The following LAMA1 variants were observed in gnomAD, a reference collection of about 807,000 sequenced individuals.
The protein encoded by LAMA1 is laminin subunit alpha-1.
In LAMA1, 219 loss-of-function variants were observed where a neutral mutation model predicts 348.7. The observed-to-expected ratio is 0.63, with a 90% CI of 0.56 to 0.70. The LOEUF (loss-of-function observed/expected upper bound fraction) is 0.70. Among genes scored for constraint, LAMA1 ranks in the 30% least tolerant of loss-of-function variants. The pLI, the probability that LAMA1 is intolerant of heterozygous loss-of-function variation, is 0.00. For synonymous variants in LAMA1, 1,487 were observed against 1,491.0 expected, an observed-to-expected ratio of 1.00 and a Z score of 0.06; for missense variants, 3,744 against 3,888.0, an observed-to-expected ratio of 0.96 and a Z score of 0.99.
chr18:7,062,782 C>T (rs1399418161), intron 3 of LAMA1, among the ~76,000 whole-genome samples: 4 of 152,146 alleles, frequency 2.6e-5, no homozygotes, highest in African/African-American at 9.7e-5. Context: ...CACACTTCCC[C>T]GCTCTTGCCT....
chr18:6,956,985 G>C (rs2057582025), intron 55 of LAMA1: 2 of 553,056 alleles, frequency 3.6e-6, no homozygotes, highest in Admixed American at 5.2e-5. Flanking sequence ...ACCCAGCCTA[G>C]CATATCCCCA....
intron 3 of LAMA1, among the ~76,000 whole-genome samples, chr18:7,055,551 T>C (rs556465055): frequency 7.3e-4 from 111 of 152,164 alleles, no homozygotes; most frequent in African/African-American, 2.7e-3. Context: ...CTGAGTCTTA[T>C]TGCCTGGATT....
In LAMA1 at chr18:6,959,502, T is replaced by A. The variant is rs1015127832; in HGVS notation, c.7627-10A>T. On this transcript the variant is annotated splice_polypyrimidine_tract_variant and intron_variant, in intron 53 of 62. Transcript: ENST00000389658. ...TGACGGAAAAGAAGGGCTGGGGAGG[T>A]TGCATAGAGAATTTCCCAGACAAAA... 1.9e-6 allele frequency: 3 copies of A among 1,613,772 alleles called. No individual in the cohort carries two copies. The East Asian group carries it at 6.7e-5, about 36-fold the overall frequency.
At chr18:6,944,240 T>C (rs2143961394) in intron 61 of LAMA1, among the ~76,000 whole-genome samples, 1 of 152,308 alleles carries the variant, frequency 6.6e-6, no homozygotes, top group African/African-American at 2.4e-5. Flanking sequence ...GGTCTTGAAT[T>C]CCTGACCTCA....
At chr18:7,004,620 G>C (rs2057824070) in intron 29 of LAMA1, among the ~76,000 whole-genome samples, 1 of 152,132 alleles carries the variant, frequency 6.6e-6, no homozygotes, top group Non-Finnish European at 1.5e-5. Flanking sequence ...CCAAAGTGTT[G>C]GTATTACAGG....
chr18:7,024,240 C>G, intron 18 of LAMA1, 140 bp downstream of exon 18: 1 of 665,428 alleles, frequency 1.5e-6, no homozygotes, highest in South Asian at 1.9e-5. Flanking sequence ...ACATGAAATA[C>G]TGATTTTTCT....
At chr18:7,035,768 G>A (rs1235712857) in intron 13 of LAMA1, among the ~76,000 whole-genome samples, 2 of 152,098 alleles carry the variant, frequency 1.3e-5, no homozygotes, top group Non-Finnish European at 2.9e-5. Flanking sequence ...ATGAAGAGAA[G>A]AGTGGCGGGT....
At chr18:7,036,691 G>A (rs1232608252) in intron 12 of LAMA1, among the ~76,000 whole-genome samples, 1 of 152,018 alleles carries the variant, frequency 6.6e-6, no homozygotes, top group Non-Finnish European at 1.5e-5. Context: ...TATCAATAGA[G>A]CACATGTTCT....
chr18:7,023,482 C>T, intron 18 of LAMA1, 107 bp from the exon 19 acceptor site: 3 of 917,740 alleles, frequency 3.3e-6, no homozygotes, highest in Non-Finnish European at 5.3e-6. Context: ...GACTCTGTTC[C>T]CTGAGATTTA....
chr18:7,004,762 G>C (rs753568533), intron 29 of LAMA1, among the ~76,000 whole-genome samples: 12 of 152,182 alleles, frequency 7.9e-5, no homozygotes, highest in Non-Finnish European at 1.6e-4. Context: ...ATAAGCACAG[G>C]GGGAGTGCTT....
At chr18:6,945,871 T>G (rs1281106616) in intron 61 of LAMA1, among the ~76,000 whole-genome samples, 1 of 152,046 alleles carries the variant, frequency 6.6e-6, no homozygotes, top group African/African-American at 2.4e-5. Flanking sequence ...ATGGCTCAGC[T>G]GCTGTCCACT....
At chr18:6,954,191 T>C (rs2057563377) in intron 57 of LAMA1, 1 of 152,236 alleles carries the variant, frequency 6.6e-6, no homozygotes, top group Admixed American at 6.6e-5. Flanking sequence ...GATTGACGGC[T>C]ATGATATCCA....
chr18:6,979,823 C>T (rs1202169457), intron 42 of LAMA1, among the ~76,000 whole-genome samples: 4 of 152,082 alleles, frequency 2.6e-5, no homozygotes, highest in East Asian at 1.9e-4. Flanking sequence ...GGTGTGAACC[C>T]GGGGGGCGGA....
chr18:7,010,499 T>C (rs190043184), intron 25 of LAMA1, 114 bp from the exon 26 acceptor site: 2 of 990,602 alleles, frequency 2.0e-6, no homozygotes, highest in African/African-American at 1.6e-5. Context: ...ATACATCACA[T>C]GGGTGAAATT....
At chr18:6,982,323 T>A (rs994212863) in intron 41 of LAMA1, among the ~76,000 whole-genome samples, 174 bp downstream of exon 41, 2 of 152,194 alleles carry the variant, frequency 1.3e-5, no homozygotes, top group Admixed American at 1.3e-4. Flanking sequence ...GAAGTTTATA[T>A]GATAGGAAGT....
At position 6,978,391 on chromosome 18, in the gene LAMA1, T is replaced by A. The variant is rs763998987; in HGVS notation, c.6008-13A>T. 5 of 1,612,036 alleles carry A rather than the reference T, an allele frequency of 3.1e-6. No individual in the cohort carries two copies. The highest frequency in any genetic ancestry group is 4.2e-6 in the Non-Finnish European group (5 of 1,178,706). ...TTGTCTCTTATACCTAAAATAAATGTATATAAAAGCATGCACTTCTGGTGC... is the reference window on the plus strand; with the variant it reads ...TTGTCTCTTATACCTAAAATAAATGAATATAAAAGCATGCACTTCTGGTGC... On this transcript the variant is annotated splice_polypyrimidine_tract_variant and intron_variant, in intron 42 of 62. Coordinates refer to ENST00000389658, the MANE Select transcript of LAMA1 (RefSeq NM_005559.4).
Position 7,013,906 on chromosome 18 carries a change from T to C in LAMA1, c.3272A>G (p.Asp1091Gly), listed in dbSNP as rs2144121334. Residue 1091 changes from aspartate to glycine, a missense_variant, in exon 23 of 63, where the codon GAC becomes GGC. By Grantham distance (94) the Asp-to-Gly change is moderately conservative. This residue lies in a region of LAMA1 where 1,529 missense variants were observed against 1,689.4 expected (regional missense o/e 0.91). Coordinates refer to ENST00000389658, the MANE Select transcript of LAMA1 (RefSeq NM_005559.4). ...YRDFPDCVPC[D>G]CDLRGTSGDA... ...CCCCGACGTCCCCCTCAGGTCACAGTCACAGGGAACACAGTCGGGAAAGTC... is the reference window on the plus strand; with the variant it reads ...CCCCGACGTCCCCCTCAGGTCACAGCCACAGGGAACACAGTCGGGAAAGTC... 5 of 1,613,654 alleles carry C rather than the reference T, an allele frequency of 3.1e-6. No individual in the cohort carries two copies. The highest frequency in any genetic ancestry group is 4.2e-6 in the Non-Finnish European group (5 of 1,179,726).
chr18:7,059,837 G>A (rs2058095956), intron 3 of LAMA1, among the ~76,000 whole-genome samples: 1 of 152,216 alleles, frequency 6.6e-6, no homozygotes, highest in South Asian at 2.1e-4. Flanking sequence ...AGACAAAAGA[G>A]ATTTAGATGA....
Position 6,978,230 on chromosome 18 carries a change from C to G in LAMA1, c.6156G>C (p.Glu2052Asp). The G allele has an allele frequency of 6.2e-7, 1 of 1,614,226 alleles. No homozygotes were observed. The highest frequency in any genetic ancestry group is 8.5e-7 in the Non-Finnish European group (1 of 1,180,038). ...TGGAGTCCTGCAGAAGCTGGTGTGT[C>G]TCTCGTAATGTGGTGTTGACCCTGG... ...SLSRVNTTLRETHQLLQDSTM... is the reference protein window; with the variant it reads ...SLSRVNTTLRDTHQLLQDSTM... Residue 2052 changes from glutamate to aspartate, a missense_variant, in exon 43 of 63, where the codon GAG (glutamate) becomes GAC (aspartate). By Grantham distance (45) the Glu-to-Asp change is conservative. Around this residue, in one of 3 missense-constraint regions of LAMA1, gnomAD observed 1,983 missense variants for 1,934.3 expected, o/e 1.03. Transcript: ENST00000389658.
Sources: allele counts gnomAD v4.1 joint callset (sites outside exome capture counted in the v4.1 genomes callset), GRCh38; gene constraint gnomAD v4.1.1; regional missense constraint gnomAD v4.1.1; transcripts MANE v1.5; gene names NCBI Gene and HGNC (gene_info 2026-07-23, HGNC 2026-07-21).